SYPL1: variants seen among roughly 807,000 people sequenced by gnomAD.
SYPL1 encodes synaptophysin-like protein 1.
In SYPL1, 6 loss-of-function variants were observed where a neutral mutation model predicts 23.7. The observed-to-expected ratio is 0.25, with a 90% CI of 0.14 to 0.50. The LOEUF (loss-of-function observed/expected upper bound fraction) is 0.50, where lower values mean the gene tolerates loss of function less well. Ranked by LOEUF, SYPL1 falls within the 20% of genes least tolerant of loss-of-function variation. The probability of loss-of-function intolerance (pLI) is 0.98; values close to 1 mark genes in which losing one functional copy is unlikely to be tolerated. For missense variants in SYPL1, 253 were observed against 288.9 expected, an observed-to-expected ratio of 0.88 and a Z score of 0.90; for synonymous variants, 102 against 104.5, an observed-to-expected ratio of 0.98 and a Z score of 0.15.
chr7:106,105,554 T>C (rs2116181457), intron 1 of SYPL1, among the ~76,000 whole-genome samples: 1 of 150,162 alleles, frequency 6.7e-6, no homozygotes, highest in East Asian at 1.9e-4. Flanking sequence ...CAGAGAATTG[T>C]AACCTCAGGG....
chr7:106,098,010 C>T (rs1333613732), intron 2 of SYPL1, 113 bp from the exon 3 acceptor site: 1 of 879,546 alleles, frequency 1.1e-6, no homozygotes, highest in South Asian at 2.0e-5. Context: ...AAAAACATTC[C>T]TTTGGGGAAA....
intron 1 of SYPL1, among the ~76,000 whole-genome samples, chr7:106,106,211 T>C (rs1369170757): frequency 6.6e-6 from 1 of 152,158 alleles, no homozygotes; most frequent in African/African-American, 2.4e-5. Flanking sequence ...TAGATGCATA[T>C]TGTGGCTCTG....
rs1476889398 is a variant in SYPL1, at chr7:106,090,540, A to AAGAT, written c.*1261_*1264dup. The AAGAT allele has an allele frequency of 6.6e-6, 1 of 152,668 alleles. No individual in the cohort carries two copies. Among genetic ancestry groups the AAGAT allele is most frequent in the Admixed American group, 6.5e-5 (1 of 15,286 alleles). 9.5% of individuals were successfully genotyped at this position (152,668 alleles called of 1,614,324 possible). A position where few individuals can be genotyped will look rare whatever the true frequency, so the allele number is the denominator to read the frequency against. On this transcript the variant is annotated 3_prime_UTR_variant, in exon 5 of 5. Transcript: ENST00000455385. ...CTCCTTTATTAAATTGGTTGCAAAAAAGATATACATTCTTATATTGACAAT... is the reference window on the plus strand; with the variant it reads ...CTCCTTTATTAAATTGGTTGCAAAAAAGATAGATATACATTCTTATATTGACAAT...
Position 106,095,840 on chromosome 7 carries a change from C to A in SYPL1, c.402+1850G>T, listed in dbSNP as rs1465709288. On this transcript the variant is annotated intron_variant, in intron 3 of 4. Transcript: ENST00000455385. This position sits in a 1 kb window ranked among gnomAD's most constrained non-coding sequence, Gnocchi z 4.3. ...TTCTGAGGTGGAAAATTACTTTTTA[C>A]GTTTCTGAATGATGCAACTAGGTCA... Among the ~76,000 whole-genome samples the A allele has an allele frequency of 6.6e-6, 1 of 152,082 alleles. No homozygotes were observed. The highest frequency in any genetic ancestry group is 1.5e-5 in the Non-Finnish European group (1 of 68,020).
rs779432134 is a variant in SYPL1, at chr7:106,092,942, T to C, written c.591+7A>G. 4 of 1,555,630 alleles carry C rather than the reference T, an allele frequency of 2.6e-6. No individual in the cohort carries two copies. Among genetic ancestry groups the C allele is most frequent in the Non-Finnish European group, 3.5e-6 (4 of 1,155,468 alleles). On this transcript the variant is annotated splice_region_variant and intron_variant, in intron 4 of 4. Coordinates refer to ENST00000455385, the MANE Select transcript of SYPL1 (RefSeq NM_182715.4). ...AAAGAAAAAAATTATAAATAATGCATACATACCACAGATACATTTAGGGAT... is the reference window on the plus strand; with the variant it reads ...AAAGAAAAAAATTATAAATAATGCACACATACCACAGATACATTTAGGGAT...
At chr7:106,110,036 T>C (rs1231377135) in intron 1 of SYPL1, among the ~76,000 whole-genome samples, 1 of 152,156 alleles carries the variant, frequency 6.6e-6, no homozygotes, top group Non-Finnish European at 1.5e-5. Flanking sequence ...AGCCTTTAAG[T>C]TCCCATCCCC....
At chr7:106,105,922 T>C (rs1229131378) in intron 1 of SYPL1, among the ~76,000 whole-genome samples, 2 of 152,216 alleles carry the variant, frequency 1.3e-5, no homozygotes, top group African/African-American at 4.8e-5. Context: ...AATTGACCCA[T>C]GGCTTTAAAA....
chr7:106,106,818 C>T (rs1563342223), intron 1 of SYPL1, among the ~76,000 whole-genome samples: 1 of 152,042 alleles, frequency 6.6e-6, no homozygotes, highest in Non-Finnish European at 1.5e-5. Context: ...TGCACTCCAG[C>T]CTGGGTGACA....
chr7:106,093,291 AAACAT>A, intron 3 of SYPL1, 154 bp from the exon 4 acceptor site: 3 of 645,882 alleles, frequency 4.6e-6, no homozygotes, highest in Non-Finnish European at 5.0e-6. Flanking sequence ...TCAGCATAGT[AAACAT>A]TGCTGTTAGT....
intron 1 of SYPL1, among the ~76,000 whole-genome samples, chr7:106,102,750 T>C (rs754603186): frequency 1.3e-5 from 2 of 152,242 alleles, no homozygotes; most frequent in Non-Finnish European, 2.9e-5. Flanking sequence ...TCAACAGACC[T>C]TTGTTTTAAA....
chr7:106,093,124 G>A lies in SYPL1; in HGVS notation c.416C>T (p.Thr139Ile). Residue 139 changes from threonine (T) to isoleucine (I), a missense_variant, in exon 4 of 5, where the codon ACA (threonine) becomes ATA (isoleucine). Thr to Ile is a moderately conservative substitution (Grantham distance 89, BLOSUM62 -1). Coordinates refer to ENST00000455385, the MANE Select transcript of SYPL1 (RefSeq NM_182715.4). ...RKLPMIDFVV[T>I]LVATFLWLVS... Reference sequence around the variant, plus strand: ...CAACCACAAAAAAGTGGCAACAAGTGTAACAACAAAGTCCTAAAGCAAAAA... The same window carrying A: ...CAACCACAAAAAAGTGGCAACAAGTATAACAACAAAGTCCTAAAGCAAAAA... 1.2e-6 allele frequency: 2 copies of A among 1,604,092 alleles called. No individual in the cohort carries two copies. The highest frequency in any genetic ancestry group is 1.7e-6 in the Non-Finnish European group (2 of 1,176,566).
intron 4 of SYPL1, chr7:106,092,697 T>C (rs982209804): frequency 1.9e-6 from 1 of 513,942 alleles, no homozygotes; most frequent in South Asian, 1.8e-5. Context: ...AAAAAGAAAT[T>C]AATCTTCCCA....
rs367671813 is a variant in SYPL1, at chr7:106,093,121, A to T, written c.419T>A (p.Leu140His). 6.2e-7 allele frequency: 1 copy of T among 1,606,304 alleles called. No homozygotes were observed. Among genetic ancestry groups the T allele is most frequent in the Non-Finnish European group, 8.5e-7 (1 of 1,177,440 alleles). Reference sequence around the variant, plus strand: ...CACCAACCACAAAAAAGTGGCAACAAGTGTAACAACAAAGTCCTAAAGCAA... The same window carrying T: ...CACCAACCACAAAAAAGTGGCAACATGTGTAACAACAAAGTCCTAAAGCAA... The part of the protein sequence containing the change: ...KLPMIDFVVT[L>H]VATFLWLVST... Residue 140 changes from leucine to histidine, a missense_variant, in exon 4 of 5, where the codon CTT (leucine) becomes CAT (histidine). Leu to His is a moderately conservative substitution (Grantham distance 99). Coordinates refer to ENST00000455385, the MANE Select transcript of SYPL1 (RefSeq NM_182715.4).
At chr7:106,099,627 C>G (rs1466134674) in intron 1 of SYPL1, among the ~76,000 whole-genome samples, 1 of 152,142 alleles carries the variant, frequency 6.6e-6, no homozygotes, top group Non-Finnish European at 1.5e-5. Flanking sequence ...CTCCTGAACT[C>G]AAGCAATCCT....
chr7:106,105,577 C>T (rs1840550010), intron 1 of SYPL1, among the ~76,000 whole-genome samples: 1 of 150,080 alleles, frequency 6.7e-6, no homozygotes, highest in Non-Finnish European at 1.5e-5. Flanking sequence ...AATAGTACAG[C>T]CTGGTTTTCC....
chr7:106,106,873 A>G (rs574788329), intron 1 of SYPL1, among the ~76,000 whole-genome samples: 112 of 152,330 alleles, frequency 7.4e-4, no homozygotes, highest in African/African-American at 2.6e-3. Context: ...AAATTTAAAA[A>G]GAGTTTGGAG....
chr7:106,106,767 C>A (rs1840627703), intron 1 of SYPL1, among the ~76,000 whole-genome samples: 1 of 150,996 alleles, frequency 6.6e-6, no homozygotes. Flanking sequence ...AAAGCTTGAG[C>A]CTGGGGAAGT....
At position 106,112,282 on chromosome 7, in the gene SYPL1, G is replaced by A. The variant is rs759345923; in HGVS notation, c.-74C>T. 5 of 1,414,824 alleles carry A rather than the reference G, an allele frequency of 3.5e-6. No individual in the cohort carries two copies. The highest frequency in any genetic ancestry group is 1.5e-5 in the African/African-American group (1 of 68,156). The allele number at this position is 1,414,824 out of a possible 1,614,324, so 87.6% of individuals were successfully genotyped here. ...GGGACCGACGAGACCAGAGCAGCCC[G>A]GTGGCGAGGAAGGGCAGGCGGGGCT... On this transcript the variant is annotated 5_prime_UTR_variant, in exon 1 of 5. Transcript: ENST00000455385.
chr7:106,096,194 C>A lies in SYPL1; in HGVS notation c.402+1496G>T, dbSNP rs1265831135. 3 of 152,074 alleles carry A rather than the reference C, an allele frequency of 2.0e-5. No homozygotes were observed. The highest frequency in any genetic ancestry group is 4.4e-5 in the Non-Finnish European group (3 of 67,998). The allele number at this position is 152,074 out of a possible 1,614,324, so 9.4% of individuals were successfully genotyped here. A position where few individuals can be genotyped will look rare whatever the true frequency, so the allele number is the denominator to read the frequency against. ...AGTTGACGTCTTATCTTTTTAACAACCGAGAAGTATTTTATGAAAACCTCT... is the reference window on the plus strand; with the variant it reads ...AGTTGACGTCTTATCTTTTTAACAAACGAGAAGTATTTTATGAAAACCTCT... On this transcript the variant is annotated intron_variant, in intron 3 of 4. Coordinates refer to ENST00000455385, the MANE Select transcript of SYPL1 (RefSeq NM_182715.4). The surrounding 1 kb of genome is among the most constrained non-coding windows in gnomAD (Gnocchi z 4.4).
Sources: gnomAD v4.1 joint callset for allele counts (sites outside exome capture counted in the v4.1 genomes callset) on GRCh38, gnomAD v4.1.1 for gene constraint, Gnocchi (gnomAD v3.1) non-coding constraint, MANE v1.5 for transcripts, NCBI Gene and HGNC (gene_info 2026-07-23, HGNC 2026-07-21) for gene names.